PLXDC2: variants seen among roughly 807,000 people sequenced by gnomAD.
PLXDC2 encodes the protein plexin domain-containing protein 2.
PLXDC2 carries 40 observed loss-of-function variants against 68.9 expected under a neutral mutation model. The observed-to-expected ratio is 0.58, with a 90% confidence interval of 0.45 to 0.76. The LOEUF (loss-of-function observed/expected upper bound fraction) is 0.76. Among genes scored for constraint, PLXDC2 ranks in the 30% least tolerant of loss-of-function variants. PLXDC2 has a pLI of 0.00. For synonymous variants in PLXDC2, 243 were observed against 234.2 expected, an observed-to-expected ratio of 1.04 and a Z score of -0.34; for missense variants, 644 against 661.9, an observed-to-expected ratio of 0.97 and a Z score of 0.30.
chr10:20,021,200 G>T (rs538273421), intron 2 of PLXDC2, among the ~76,000 whole-genome samples: 146 of 96,476 alleles, frequency 1.5e-3, no homozygotes, highest in East Asian at 6.2e-3. Context: ...TGTTTTTTTT[G>T]TTTGTTTGTT....
intron 3 of PLXDC2, among the ~76,000 whole-genome samples, chr10:20,047,954 C>T (rs2131684254): frequency 6.6e-6 from 1 of 152,152 alleles, no homozygotes; most frequent in South Asian, 2.1e-4. Context: ...TGATAAATGC[C>T]AGATTTCACA....
chr10:19,817,277 A>C (rs1311094072), intron 1 of PLXDC2, 86 bp downstream of exon 1: 1 of 1,076,614 alleles, frequency 9.3e-7, no homozygotes, highest in African/African-American at 1.6e-5. Context: ...CTCTCCCCCC[A>C]ACATCACCTA....
At chr10:19,851,843 T>C (rs1837123353) in intron 1 of PLXDC2, among the ~76,000 whole-genome samples, 1 of 152,206 alleles carries the variant, frequency 6.6e-6, no homozygotes, top group Admixed American at 6.5e-5. Context: ...CCACTGCACC[T>C]GGCATCTTTT....
chr10:20,242,291 A>C (rs1450273950), intron 12 of PLXDC2, among the ~76,000 whole-genome samples: 2 of 152,202 alleles, frequency 1.3e-5, no homozygotes, highest in Non-Finnish European at 2.9e-5. Context: ...ATTGTTGTGA[A>C]TCTGACTGTG....
intron 1 of PLXDC2, among the ~76,000 whole-genome samples, chr10:19,861,119 C>G (rs1023728952): frequency 1.3e-5 from 2 of 151,738 alleles, no homozygotes; most frequent in African/African-American, 4.8e-5. Flanking sequence ...ACTGCAACCT[C>G]TGCCTCCCGG....
chr10:20,174,849 A>G (rs879830360), intron 7 of PLXDC2, among the ~76,000 whole-genome samples: 3 of 152,132 alleles, frequency 2.0e-5, no homozygotes, highest in Non-Finnish European at 4.4e-5. Flanking sequence ...GTTAGTAAAC[A>G]TTTGACAGCC....
At chr10:19,847,741 T>C (rs1002406553) in intron 1 of PLXDC2, among the ~76,000 whole-genome samples, 12 of 152,340 alleles carry the variant, frequency 7.9e-5, no homozygotes, top group African/African-American at 2.9e-4. Flanking sequence ...TGTGGACTAT[T>C]CTAGGCAATT....
rs140316819 is a variant in PLXDC2, at chr10:20,161,208, C to T, written c.784-3260C>T. Among the ~76,000 whole-genome samples the T allele has an allele frequency of 3.4e-3, 518 of 152,184 alleles. 1 individual carries two copies. Among genetic ancestry groups the T allele is most frequent in the African/African-American group, 0.012 (497 of 41,530 alleles). On this transcript the variant is annotated intron_variant, in intron 6 of 13. Transcript: ENST00000377252. Reference sequence around the variant, plus strand: ...TTGCCTATAAATCAGCTTGCTGGTTCTACTGATATGGGCTGGACCCTGCTG... The same window carrying T: ...TTGCCTATAAATCAGCTTGCTGGTTTTACTGATATGGGCTGGACCCTGCTG...
intron 1 of PLXDC2, among the ~76,000 whole-genome samples, chr10:19,894,903 T>C (rs1400405643): frequency 6.6e-6 from 1 of 152,142 alleles, no homozygotes; most frequent in Non-Finnish European, 1.5e-5. Context: ...GAAATACCAT[T>C]TGACCCAGCC....
At chr10:19,911,228 G>A (rs1008062185) in intron 1 of PLXDC2, among the ~76,000 whole-genome samples, 1 of 151,688 alleles carries the variant, frequency 6.6e-6, no homozygotes, top group East Asian at 1.9e-4. Flanking sequence ...CCAGAAACAT[G>A]AAAGGAATCA....
intron 2 of PLXDC2, among the ~76,000 whole-genome samples, chr10:20,008,233 A>C (rs1835057821): frequency 6.6e-6 from 1 of 152,200 alleles, no homozygotes; most frequent in African/African-American, 2.4e-5. Context: ...TTAAGAGGAA[A>C]TAAGTCACCA....
chr10:19,958,690 G>A (rs551801568), intron 1 of PLXDC2, among the ~76,000 whole-genome samples: 11 of 152,204 alleles, frequency 7.2e-5, no homozygotes, highest in Admixed American at 2.6e-4. Context: ...CCCTCAGTTC[G>A]GAATTTGTCT....
intron 3 of PLXDC2, among the ~76,000 whole-genome samples, chr10:20,052,403 A>T (rs1835919102): frequency 6.6e-6 from 1 of 152,004 alleles, no homozygotes; most frequent in South Asian, 2.1e-4. Context: ...AAAAGATTAC[A>T]AAATTTTAAT....
In PLXDC2 at chr10:20,211,755, T is replaced by C. The variant is rs187812113; in HGVS notation, c.1122+26T>C. The C allele has an allele frequency of 5.8e-5, 93 of 1,606,528 alleles. No individual in the cohort carries two copies. In the African/African-American group the frequency reaches 1.1e-3, roughly 19 times the overall value. On this transcript the variant is annotated intron_variant, in intron 10 of 13. Coordinates refer to ENST00000377252, the MANE Select transcript of PLXDC2 (RefSeq NM_032812.9). Reference sequence around the variant, plus strand: ...GTACACATGCTTTATTGTGACAGAATCCTGGGACCAAGCTGTCATATACAT... The same window carrying C: ...GTACACATGCTTTATTGTGACAGAACCCTGGGACCAAGCTGTCATATACAT...
chr10:20,051,508 T>C (rs1835900902), intron 3 of PLXDC2, among the ~76,000 whole-genome samples: 2 of 149,724 alleles, frequency 1.3e-5, no homozygotes, highest in East Asian at 3.9e-4. Context: ...TCATTGTTAA[T>C]GACAGTGGAG....
chr10:20,267,701 A>C (rs2183982), intron 13 of PLXDC2, among the ~76,000 whole-genome samples: 90,768 of 151,836 alleles, frequency 0.6, 28,043 homozygotes, highest in Middle Eastern at 0.77. Context: ...AAAAGAACAA[A>C]TGACCTAAAT....
intron 2 of PLXDC2, among the ~76,000 whole-genome samples, chr10:20,029,329 C>G (rs1034341574): frequency 3.9e-5 from 6 of 152,052 alleles, no homozygotes; most frequent in African/African-American, 1.4e-4. Context: ...CCTACTTGCC[C>G]TTCATACCTC....
intron 1 of PLXDC2, among the ~76,000 whole-genome samples, chr10:19,835,309 G>A (rs1836769170): frequency 6.6e-6 from 1 of 152,264 alleles, no homozygotes; most frequent in South Asian, 2.1e-4. Context: ...GCTAGGAAGG[G>A]CAGGTCTAGA....
chr10:20,195,305 G>T (rs1197571391), intron 9 of PLXDC2, among the ~76,000 whole-genome samples: 2 of 152,062 alleles, frequency 1.3e-5, no homozygotes, highest in Non-Finnish European at 2.9e-5. Flanking sequence ...AGTGATTCAT[G>T]CATGTTTTCC....
Sources: allele counts gnomAD v4.1 joint callset (sites outside exome capture counted in the v4.1 genomes callset), GRCh38; gene constraint gnomAD v4.1.1; transcripts MANE v1.5; gene names NCBI Gene and HGNC (gene_info 2026-07-23, HGNC 2026-07-21).